The following EMILIN1 variants were observed in gnomAD, a reference collection of about 807,000 sequenced individuals.
The protein encoded by EMILIN1 is elastin microfibril interfacer 1.
Under a neutral mutation model 82.4 loss-of-function variants are expected in EMILIN1, and 49 were observed. The observed-to-expected ratio is 0.59, with a 90% confidence interval of 0.47 to 0.75. The LOEUF (loss-of-function observed/expected upper bound fraction) is 0.75, where lower values mean the gene tolerates loss of function less well. Ranked by LOEUF, EMILIN1 falls within the 30% of genes least tolerant of loss-of-function variation. The probability of loss-of-function intolerance (pLI) is 0.00; values close to 1 mark genes in which losing one functional copy is unlikely to be tolerated. For synonymous variants in EMILIN1, 604 were observed against 602.2 expected (o/e 1.00, Z -0.04); for missense variants, 1,313 against 1,366.4 (o/e 0.96, Z 0.62).
intron 3 of EMILIN1, among the ~76,000 whole-genome samples, chr2:27,081,302 C>T (rs929738457): frequency 6.6e-6 from 1 of 152,190 alleles, no homozygotes; most frequent in African/African-American, 2.4e-5. Flanking sequence ...CTTTGAGAAG[C>T]TTGGTCCGTG....
At position 27,083,429 on chromosome 2, in the gene EMILIN1, GGCCC is replaced by G; in HGVS notation, c.1859_1862del (p.Gly620GlufsTer41). 1 of 1,612,392 alleles carries G rather than the reference GGCCC, an allele frequency of 6.2e-7. No homozygotes were observed. The highest frequency in any genetic ancestry group is 8.5e-7 in the Non-Finnish European group (1 of 1,179,952). On this transcript the variant is annotated frameshift_variant, in exon 4 of 8. Transcript: ENST00000380320. LOFTEE classifies it high-confidence loss of function. ...TCCTGGGGCTGGTCCAGGTGTTGGG[GGCCC>G]AAGCCGTGGGCCCCTGGACGGCTTC...
At chr2:27,080,089 C>G in intron 1 of EMILIN1, 62 bp from the exon 2 acceptor site, 3 of 1,597,442 alleles carry the variant, frequency 1.9e-6, no homozygotes, top group South Asian at 2.2e-5. Flanking sequence ...CTGGTAGCCC[C>G]TGGGCCCTCC....
At position 27,083,121 on chromosome 2, in the gene EMILIN1, G is replaced by A; in HGVS notation, c.1550G>A (p.Gly517Asp). The A allele has an allele frequency of 1.3e-6, 2 of 1,577,984 alleles. No homozygotes were observed. Among genetic ancestry groups the A allele is most frequent in the South Asian group, 2.4e-5 (2 of 85,014 alleles). Reference sequence around the variant, plus strand: ...GGGCAGCTGCGGCTGGTGGGCTCCGGCCTGCACACGGTGGAAGCAGCGGGG... The same window carrying A: ...GGGCAGCTGCGGCTGGTGGGCTCCGACCTGCACACGGTGGAAGCAGCGGGG... Reference protein sequence around the residue: ...SEGQLRLVGSGLHTVEAAGEA... With the variant: ...SEGQLRLVGSDLHTVEAAGEA... Residue 517 changes from glycine (G) to aspartate (D), a missense_variant, in exon 4 of 8, where the codon GGC (glycine) becomes GAC (aspartate). Gly to Asp is a moderately conservative substitution (Grantham distance 94). Transcript: ENST00000380320.
chr2:27,081,600 C>T (rs1280577377), intron 3 of EMILIN1, among the ~76,000 whole-genome samples: 1 of 152,072 alleles, frequency 6.6e-6, no homozygotes, highest in Non-Finnish European at 1.5e-5. Flanking sequence ...ACTGTTGTGG[C>T]ATCCAGAGTG....
chr2:27,080,676 C>A, intron 2 of EMILIN1, 56 bp from the exon 3 acceptor site: 2 of 1,465,130 alleles, frequency 1.4e-6, no homozygotes, highest in South Asian at 1.3e-5. Context: ...AGGACAGGGA[C>A]CAGGGTCACT....
intron 4 of EMILIN1, 78 bp from the exon 5 acceptor site, chr2:27,084,337 A>T (rs933576006): frequency 2.3e-6 from 2 of 861,684 alleles, no homozygotes; most frequent in Non-Finnish European, 3.8e-6. Flanking sequence ...CTCCCTGTTC[A>T]TGAAGCCACC....
At position 27,085,194 on chromosome 2, in the gene EMILIN1, A is replaced by G. The variant is rs756677467; in HGVS notation, c.2610A>G (p.Gln870=). The change falls in exon 7 of 8, where the codon CAA becomes CAG. Residue 870 remains glutamine, a synonymous_variant. Transcript: ENST00000380320. ...VEGAPAAPVP[Q]VAFSAALSLP... ...GGGCACCAGCAGCCCCTGTGCCCCA[A>G]GTGGCATTTTCAGCTGCTCTGAGTT... 3.1e-6 allele frequency: 5 copies of G among 1,614,180 alleles called. No homozygotes were observed. The highest frequency in any genetic ancestry group is 8.5e-7 in the Non-Finnish European group (1 of 1,180,034).
Position 27,079,223 on chromosome 2 carries a change from C to T in EMILIN1, c.158C>T (p.Ala53Val), listed in dbSNP as rs1572844580. Residue 53 changes from alanine (A) to valine (V), a missense_variant, in exon 1 of 8, where the codon GCC (alanine) becomes GTC (valine). Ala to Val is a moderately conservative substitution (Grantham distance 64, BLOSUM62 0). Coordinates refer to ENST00000380320, the MANE Select transcript of EMILIN1 (RefSeq NM_007046.4). ...GPQAQIAPRP[A>V]SRHRNWCAYV... ...CAGGCCCAGATTGCCCCCCGGCCAG[C>T]CAGCCGCCACAGGTAAGAGTCTGGA... The T allele has an allele frequency of 1.6e-5, 25 of 1,563,662 alleles. No individual in the cohort carries two copies. The East Asian group carries it at 6.2e-4, about 39-fold the overall frequency.
chr2:27,084,193 G>A (rs770534720), intron 4 of EMILIN1, among the ~76,000 whole-genome samples, 182 bp downstream of exon 4: 14 of 152,104 alleles, frequency 9.2e-5, no homozygotes, highest in South Asian at 2.1e-4. Context: ...CCTAGCTCCC[G>A]CCCTCCCTCT....
At chr2:27,085,407 G>C in intron 7 of EMILIN1, 110 bp downstream of exon 7, 2 of 1,368,474 alleles carry the variant, frequency 1.5e-6, no homozygotes, top group African/African-American at 2.9e-5. Flanking sequence ...TCTCTGATTT[G>C]GGGAGACCCC....
intron 2 of EMILIN1, 131 bp downstream of exon 2, chr2:27,080,401 G>A (rs1669452475): frequency 2.4e-6 from 3 of 1,260,534 alleles, no homozygotes; most frequent in Non-Finnish European, 3.3e-6. Flanking sequence ...CAGCCATTTT[G>A]AGGAGATACT....
At position 27,085,654 on chromosome 2, in the gene EMILIN1, C is replaced by G. The variant is rs956960993; in HGVS notation, c.2714-24C>G. ...CGCTCCCCGGAGCTTCCCTGGCCCC[C>G]CTGACTGCTATCCTTGTCCCCAGGC... On this transcript the variant is annotated intron_variant, in intron 7 of 7. Coordinates refer to ENST00000380320, the MANE Select transcript of EMILIN1 (RefSeq NM_007046.4). The G allele has an allele frequency of 4.4e-6, 7 of 1,573,956 alleles. No homozygotes were observed. In the Admixed American group the frequency reaches 5.2e-5, roughly 12 times the overall value.
In EMILIN1 at chr2:27,082,184, C is replaced by A. The variant is rs762720183; in HGVS notation, c.613C>A (p.Arg205Ser). 81 of 1,613,550 alleles carry A rather than the reference C, an allele frequency of 5.0e-5. No individual in the cohort carries two copies. Among genetic ancestry groups the A allele is most frequent in the Admixed American group, 2.5e-4 (15 of 60,012 alleles). The change falls in exon 4 of 8, where the codon CGC (arginine) becomes AGC (serine). Residue 205 changes from arginine (R) to serine (S), a missense_variant. Transcript: ENST00000380320. ...GGGCGTCCTGCAAGGACTGAGCGGG[C>A]GCCTGGCAGAGGATGTGCAGAGGGC... ...LRGVLQGLSGRLAEDVQRAVE... is the reference protein window; with the variant it reads ...LRGVLQGLSGSLAEDVQRAVE...
Position 27,084,192 on chromosome 2 carries a change from C to T in EMILIN1, c.2440+181C>T, listed in dbSNP as rs148309491. ...AGAGATGATGCAAGGTCCTAGCTCC[C>T]GCCCTCCCTCTGGCTGCTCACTAGG... On this transcript the variant is annotated intron_variant, in intron 4 of 7. Coordinates refer to ENST00000380320, the MANE Select transcript of EMILIN1 (RefSeq NM_007046.4). 4.3e-4 allele frequency among the ~76,000 whole-genome samples: 66 copies of T among 152,272 alleles called. 1 individual carries two copies. In the East Asian group the frequency reaches 0.012, roughly 27 times the overall value.
Position 27,082,552 on chromosome 2 carries a change from G to T in EMILIN1, c.981G>T (p.Glu327Asp). ...QEDRERLRAM[E>D]KLLASVEERQ... ...ACAGGGAGCGGCTGCGAGCGATGGA[G>T]AAGCTGCTGGCCTCGGTGGAGGAGC... Residue 327 changes from glutamate to aspartate, a missense_variant, in exon 4 of 8, where the codon GAG becomes GAT. Coordinates refer to ENST00000380320, the MANE Select transcript of EMILIN1 (RefSeq NM_007046.4). 6.5e-7 allele frequency: 1 copy of T among 1,542,938 alleles called. No homozygotes were observed.
intron 5 of EMILIN1, 59 bp downstream of exon 5, chr2:27,084,590 C>G: frequency 1.0e-6 from 1 of 1,003,912 alleles, no homozygotes; most frequent in Non-Finnish European, 1.6e-6. Flanking sequence ...CCAACCCTGA[C>G]CCCCGCTGGC....
At position 27,085,709 on chromosome 2, in the gene EMILIN1, C is replaced by T. The variant is rs373486231; in HGVS notation, c.2745C>T (p.Tyr915=). The change falls in exon 8 of 8, where the codon TAC becomes TAT. Residue 915 remains tyrosine, a synonymous_variant. Transcript: ENST00000380320. ...GVFTAPLAGR[Y]LLSAVLTGHR... is the part of the protein sequence containing the mutation. ...TCACAGCGCCACTGGCTGGACGCTA[C>T]TTGCTGAGCGCGGTGCTGACTGGGC... is the stretch of plus-strand genomic sequence containing the variant. 1.5e-4 allele frequency: 246 copies of T among 1,603,802 alleles called. No homozygotes were observed. The highest frequency in any genetic ancestry group is 1.9e-4 in the Non-Finnish European group (224 of 1,172,518).
chr2:27,080,705 A>G (rs1380839399), intron 2 of EMILIN1, 27 bp from the exon 3 acceptor site: 1 of 1,586,248 alleles, frequency 6.3e-7, no homozygotes, highest in Admixed American at 1.7e-5. Context: ...AGGGAGGAAT[A>G]AAGAGGCCTC....
At position 27,086,112 on chromosome 2, in the gene EMILIN1, C is replaced by G; in HGVS notation, c.*97C>G. 8 of 939,882 alleles carry G rather than the reference C, an allele frequency of 8.5e-6. No homozygotes were observed. Among genetic ancestry groups the G allele is most frequent in the Non-Finnish European group, 1.1e-5 (8 of 702,560 alleles). The allele number at this position is 939,882 out of a possible 1,614,324, so 58.2% of individuals were successfully genotyped here. Reference sequence around the variant, plus strand: ...CTGAGACGGGGCACCTAGCCCTGGGCGAGCGCCGCACCCGGGCCCGCAGCG... The same window carrying G: ...CTGAGACGGGGCACCTAGCCCTGGGGGAGCGCCGCACCCGGGCCCGCAGCG... On this transcript the variant is annotated 3_prime_UTR_variant, in exon 8 of 8. Coordinates refer to ENST00000380320, the MANE Select transcript of EMILIN1 (RefSeq NM_007046.4).
Sources: gnomAD v4.1 joint callset for allele counts (sites outside exome capture counted in the v4.1 genomes callset) on GRCh38, gnomAD v4.1.1 for gene constraint, MANE v1.5 for transcripts, NCBI Gene and HGNC (gene_info 2026-07-23, HGNC 2026-07-21) for gene names.